MYT1L: variants seen among roughly 807,000 people sequenced by gnomAD.
MYT1L encodes the protein myelin transcription factor 1-like protein.
Under a neutral mutation model 126.7 loss-of-function variants are expected in MYT1L, and 12 were observed. The observed-to-expected ratio is 0.09, with a 90% CI of 0.06 to 0.15. MYT1L has a LOEUF of 0.15. Ranked by LOEUF, MYT1L falls within the 10% of genes least tolerant of loss-of-function variation. The pLI is 1.00. For missense variants in MYT1L, 979 were observed against 1,585.2 expected (o/e 0.62, Z 6.49); for synonymous variants, 541 against 604.2 (o/e 0.90, Z 1.53).
chr2:1,809,876 G>A (rs2036309372), intron 21 of MYT1L: 1 of 152,292 alleles, frequency 6.6e-6, no homozygotes, highest in Non-Finnish European at 1.5e-5. Flanking sequence ...CAGCCTCCGG[G>A]GCAGGAAGGC....
At chr2:1,850,620 G>A (rs1012631484) in intron 19 of MYT1L, among the ~76,000 whole-genome samples, 9 of 152,090 alleles carry the variant, frequency 5.9e-5, no homozygotes, top group African/African-American at 2.2e-4. Flanking sequence ...GAATGCACCC[G>A]ACCTTGGCTT....
intron 9 of MYT1L, among the ~76,000 whole-genome samples, chr2:1,940,046 G>A (rs2056461971): frequency 6.6e-6 from 1 of 152,256 alleles, no homozygotes. Flanking sequence ...GCATGCAAAT[G>A]CTGTTGTTTC....
chr2:1,937,304 G>A lies in MYT1L; in HGVS notation c.505+5678C>T, dbSNP rs151057756. The stretch of plus-strand genomic sequence containing the variant: ...ACATCAAGAAGTTCCTAACGTCCGC[G>A]GCCATCAGATCGCACATCAAGAAGG... On this transcript the variant is annotated intron_variant, in intron 9 of 24. Coordinates refer to ENST00000647738, the MANE Select transcript of MYT1L (RefSeq NM_001303052.2). Among the ~76,000 whole-genome samples the A allele has an allele frequency of 8.7e-4, 133 of 152,244 alleles. 4 individuals are homozygous for A. The East Asian group carries it at 0.022, about 25-fold the overall frequency.
intron 2 of MYT1L, among the ~76,000 whole-genome samples, chr2:2,234,187 A>G (rs1229262132): frequency 6.6e-6 from 1 of 152,252 alleles, no homozygotes; most frequent in Non-Finnish European, 1.5e-5. Context: ...TAAGCATGAA[A>G]TAGGGAATCA....
In MYT1L at chr2:1,805,743, G is replaced by A. The variant is rs115004670; in HGVS notation, c.3172+3333C>T. On this transcript the variant is annotated intron_variant, in intron 22 of 24. Coordinates refer to ENST00000647738, the MANE Select transcript of MYT1L (RefSeq NM_001303052.2). ...TCTACCAAAAATACAAAAATTAGCTGAGTGTGATAGTGCACATCTGTAGTC... is the reference window on the plus strand; with the variant it reads ...TCTACCAAAAATACAAAAATTAGCTAAGTGTGATAGTGCACATCTGTAGTC... Among the ~76,000 whole-genome samples, 1,053 of 152,250 alleles carry A rather than the reference G, an allele frequency of 6.9e-3. 12 individuals are homozygous for A. Among genetic ancestry groups the A allele is most frequent in the African/African-American group, 0.025 (1,018 of 41,544 alleles).
At chr2:2,121,592 T>G (rs2081023119) in intron 3 of MYT1L, among the ~76,000 whole-genome samples, 1 of 152,074 alleles carries the variant, frequency 6.6e-6, no homozygotes, top group Non-Finnish European at 1.5e-5. Context: ...GTTCAAGCAA[T>G]TCTCCCGCCT....
chr2:2,186,507 G>C (rs1379571043), intron 2 of MYT1L, among the ~76,000 whole-genome samples: 10 of 152,222 alleles, frequency 6.6e-5, no homozygotes, highest in Non-Finnish European at 4.4e-5. Context: ...CTGGAATTAC[G>C]TTTTTAGCTT....
chr2:2,244,409 G>A (rs1472270519), intron 2 of MYT1L, among the ~76,000 whole-genome samples: 1 of 152,046 alleles, frequency 6.6e-6, no homozygotes, highest in Non-Finnish European at 1.5e-5. Flanking sequence ...CTCCCACAGT[G>A]CTTTATGGTA....
In MYT1L at chr2:1,848,596, G is replaced by A. The variant is rs2042820004; in HGVS notation, c.2774+3045C>T. ...TAGGTAACATTATCTTCCTGTTCCT[G>A]GGAAACAGACAATAGAAGATTAACA... On this transcript the variant is annotated intron_variant, in intron 19 of 24. Transcript: ENST00000647738. This position sits in a 1 kb window ranked among gnomAD's most constrained non-coding sequence, Gnocchi z 4.8. 6.6e-6 allele frequency among the ~76,000 whole-genome samples: 1 copy of A among 152,134 alleles called. No homozygotes were observed. The highest frequency in any genetic ancestry group is 1.5e-5 in the Non-Finnish European group (1 of 68,024).
At chr2:1,844,985 T>C (rs923111134) in intron 19 of MYT1L, among the ~76,000 whole-genome samples, 45 of 151,394 alleles carry the variant, frequency 3.0e-4, no homozygotes, top group South Asian at 2.1e-4. Flanking sequence ...TCCTTTTTTT[T>C]TTTTTTTTTG....
At chr2:1,822,438 G>A (rs1217029782) in intron 21 of MYT1L, among the ~76,000 whole-genome samples, 1 of 152,200 alleles carries the variant, frequency 6.6e-6, no homozygotes, top group Non-Finnish European at 1.5e-5. Context: ...TGTGGGTTGG[G>A]TCTGTTTCCT....
chr2:1,938,113 C>T (rs1179972348), intron 9 of MYT1L, among the ~76,000 whole-genome samples: 1 of 152,174 alleles, frequency 6.6e-6, no homozygotes, highest in South Asian at 2.1e-4. Context: ...TTTCTTTAGT[C>T]TAGAAAGCAC....
intron 4 of MYT1L, among the ~76,000 whole-genome samples, chr2:2,040,507 C>T (rs749550434): frequency 2.0e-5 from 3 of 152,120 alleles, no homozygotes; most frequent in African/African-American, 7.2e-5. Flanking sequence ...GAAGTTCCCT[C>T]GTAGAGCAAT....
intron 4 of MYT1L, among the ~76,000 whole-genome samples, chr2:2,049,322 G>A (rs2068547390): frequency 6.6e-6 from 1 of 152,200 alleles, no homozygotes; most frequent in Non-Finnish European, 1.5e-5. Context: ...ATGCACACAA[G>A]TGATATATAT....
intron 21 of MYT1L, among the ~76,000 whole-genome samples, chr2:1,828,831 G>A (rs1408468709): frequency 2.0e-5 from 3 of 152,168 alleles, no homozygotes; most frequent in Non-Finnish European, 4.4e-5. Flanking sequence ...AGACAGAAAA[G>A]GTTTTAAGAG....
intron 3 of MYT1L, among the ~76,000 whole-genome samples, chr2:2,086,509 C>T (rs1398505030): frequency 6.6e-6 from 1 of 152,148 alleles, no homozygotes; most frequent in Non-Finnish European, 1.5e-5. Flanking sequence ...CCCATTTGTT[C>T]TACCATTTTA....
At chr2:1,924,502 C>G (rs547282981) in intron 9 of MYT1L, among the ~76,000 whole-genome samples, 1 of 152,276 alleles carries the variant, frequency 6.6e-6, no homozygotes, top group Non-Finnish European at 1.5e-5. Context: ...TACCAGTACA[C>G]TAAAAACTGA....
chr2:2,239,070 T>A (rs2094386634), intron 2 of MYT1L, among the ~76,000 whole-genome samples: 1 of 152,234 alleles, frequency 6.6e-6, no homozygotes, highest in Non-Finnish European at 1.5e-5. Flanking sequence ...AAGATAACGA[T>A]AATTCTCACT....
intron 4 of MYT1L, among the ~76,000 whole-genome samples, chr2:2,014,727 CA>C (rs2064197519): frequency 6.6e-6 from 1 of 152,212 alleles, no homozygotes; most frequent in Non-Finnish European, 1.5e-5. Context: ...GAATGGCCAG[CA>C]AGGCAGGCAA....
Sources: gnomAD v4.1 joint callset for allele counts (sites outside exome capture counted in the v4.1 genomes callset) on GRCh38, gnomAD v4.1.1 for gene constraint, Gnocchi (gnomAD v3.1) non-coding constraint, MANE v1.5 for transcripts, NCBI Gene and HGNC (gene_info 2026-07-23, HGNC 2026-07-21) for gene names.